PBX3: variants seen among roughly 807,000 people sequenced by gnomAD.
The protein encoded by PBX3 is pre-B-cell leukemia transcription factor 3.
In PBX3, 14 loss-of-function variants were observed where a neutral mutation model predicts 48.5. That is an observed-to-expected ratio of 0.29 (90% confidence interval 0.19 to 0.45). PBX3 has a LOEUF of 0.45. Among genes scored for constraint, PBX3 ranks in the 20% least tolerant of loss-of-function variants. The pLI is 1.00. For missense variants in PBX3, 386 were observed against 546.7 expected (o/e 0.71, Z 2.93); for synonymous variants, 210 against 200.3 (o/e 1.05, Z -0.41).
intron 5 of PBX3, among the ~76,000 whole-genome samples, chr9:125,939,417 C>T (rs765118440): frequency 2.6e-5 from 4 of 152,104 alleles, no homozygotes; most frequent in Non-Finnish European, 5.9e-5. Context: ...TTTTATATTT[C>T]AAACTTATAT....
In PBX3 at chr9:125,790,528, A is replaced by G. The variant is rs1436876240; in HGVS notation, c.274+41905A>G. ...CTCAGCCTCTCAAAGTGCTGGGATTACAGGTATGAGCCACCGTGCCTGGCC... is the reference window on the plus strand; with the variant it reads ...CTCAGCCTCTCAAAGTGCTGGGATTGCAGGTATGAGCCACCGTGCCTGGCC... On this transcript the variant is annotated intron_variant, in intron 2 of 8. Transcript: ENST00000373489. Among the ~76,000 whole-genome samples, 4 of 151,824 alleles carry G rather than the reference A, an allele frequency of 2.6e-5. No individual in the cohort carries two copies. The East Asian group carries it at 5.8e-4, about 22-fold the overall frequency.
intron 2 of PBX3, among the ~76,000 whole-genome samples, chr9:125,882,699 G>GAA (rs1840409866): frequency 1.3e-5 from 2 of 152,228 alleles, no homozygotes; most frequent in Non-Finnish European, 2.9e-5. Flanking sequence ...GATGGTAGAA[G>GAA]TTATATATTG....
intron 2 of PBX3, among the ~76,000 whole-genome samples, chr9:125,817,826 G>T (rs567331262): frequency 3.3e-5 from 5 of 152,102 alleles, no homozygotes; most frequent in Non-Finnish European, 7.4e-5. Context: ...AAAAATTGCG[G>T]TGGAATTCCT....
chr9:125,839,450 C>T (rs944379816), intron 2 of PBX3, among the ~76,000 whole-genome samples: 20 of 152,060 alleles, frequency 1.3e-4, no homozygotes, highest in African/African-American at 4.8e-4. Flanking sequence ...AATGAGGTTC[C>T]AAAGAAAGAG....
At chr9:125,847,129 T>C (rs139567090) in intron 2 of PBX3, among the ~76,000 whole-genome samples, 2,134 of 152,178 alleles carry the variant, frequency 0.014, 24 homozygotes, top group Non-Finnish European at 0.021. Context: ...TATATTCTTA[T>C]ATTAGGTGGC....
At chr9:125,830,404 CTTCTT>C (rs1305079496) in intron 2 of PBX3, among the ~76,000 whole-genome samples, 1 of 151,934 alleles carries the variant, frequency 6.6e-6, no homozygotes, top group Non-Finnish European at 1.5e-5. Context: ...AACAAACAAA[CTTCTT>C]TAATGTTACA....
intron 3 of PBX3, among the ~76,000 whole-genome samples, chr9:125,918,684 T>C (rs569957104): frequency 3.3e-5 from 5 of 152,222 alleles, no homozygotes; most frequent in Non-Finnish European, 7.3e-5. Flanking sequence ...AATTTTAATT[T>C]ACACATTTTC....
intron 2 of PBX3, among the ~76,000 whole-genome samples, chr9:125,839,491 A>G (rs929267189): frequency 2.6e-5 from 4 of 152,232 alleles, no homozygotes; most frequent in Non-Finnish European, 4.4e-5. Flanking sequence ...TATAACAGAA[A>G]TATTTCCAAT....
intron 2 of PBX3, among the ~76,000 whole-genome samples, chr9:125,894,605 G>T (rs3850583): frequency 0.059 from 9,050 of 152,104 alleles, 626 homozygotes; most frequent in East Asian, 0.17. Flanking sequence ...CAATAAGTGG[G>T]TTCAATTCAT....
chr9:125,760,835 A>G (rs185830788), intron 2 of PBX3, among the ~76,000 whole-genome samples: 1 of 152,320 alleles, frequency 6.6e-6, no homozygotes, highest in East Asian at 1.9e-4. Flanking sequence ...TATTTTCTTG[A>G]TTAAGCCACG....
chr9:125,747,610 A>G lies in PBX3; in HGVS notation c.157A>G (p.Ile53Val). ...GGACATCGGCGACATCCTCCACCAG[A>G]TCATGACCATCACCGACCAGAGCTT... ...KQDIGDILHQIMTITDQSLDE... is the reference protein window; with the variant it reads ...KQDIGDILHQVMTITDQSLDE... The change falls in exon 1 of 9, where the codon ATC (isoleucine) becomes GTC (valine). Residue 53 changes from isoleucine to valine, a missense_variant. Ile to Val is a conservative substitution (Grantham distance 29, BLOSUM62 3). Coordinates refer to ENST00000373489, the MANE Select transcript of PBX3 (RefSeq NM_006195.6). The G allele has an allele frequency of 6.2e-7, 1 of 1,603,328 alleles. No individual in the cohort carries two copies. The highest frequency in any genetic ancestry group is 8.5e-7 in the Non-Finnish European group (1 of 1,175,144).
chr9:125,760,962 A>T (rs1836650489), intron 2 of PBX3, among the ~76,000 whole-genome samples: 1 of 152,202 alleles, frequency 6.6e-6, no homozygotes, highest in Non-Finnish European at 1.5e-5. Flanking sequence ...AGTGCCATTT[A>T]TGATATGTTG....
chr9:125,961,282 C>T (rs1042835763), intron 6 of PBX3, among the ~76,000 whole-genome samples: 3 of 152,144 alleles, frequency 2.0e-5, no homozygotes, highest in Non-Finnish European at 4.4e-5. Context: ...TGCCCAGCAC[C>T]GCTGTCCTTT....
At chr9:125,894,049 A>G (rs1264471320) in intron 2 of PBX3, among the ~76,000 whole-genome samples, 1 of 152,204 alleles carries the variant, frequency 6.6e-6, no homozygotes, top group South Asian at 2.1e-4. Context: ...CCATGGCTAC[A>G]TATAGTTGCA....
chr9:125,925,161 G>A (rs559186622), intron 3 of PBX3, among the ~76,000 whole-genome samples: 1 of 152,228 alleles, frequency 6.6e-6, no homozygotes, highest in South Asian at 2.1e-4. Context: ...AGTCAAATGG[G>A]CTTTTATTGT....
chr9:125,928,205 A>G (rs1038322473), intron 3 of PBX3, among the ~76,000 whole-genome samples: 1 of 151,904 alleles, frequency 6.6e-6, no homozygotes, highest in Admixed American at 6.6e-5. Flanking sequence ...AAAAAAAATA[A>G]TAATAATAAA....
intron 6 of PBX3, among the ~76,000 whole-genome samples, chr9:125,961,169 G>T (rs1349347687): frequency 6.6e-6 from 1 of 152,224 alleles, no homozygotes; most frequent in Non-Finnish European, 1.5e-5. Flanking sequence ...CCACTTTAGG[G>T]TCAGTAGTGG....
intron 2 of PBX3, among the ~76,000 whole-genome samples, chr9:125,793,939 C>T (rs1214132929): frequency 2.0e-5 from 3 of 152,262 alleles, no homozygotes; most frequent in African/African-American, 7.2e-5. Flanking sequence ...GATTTAAAAA[C>T]ATACAGAGAG....
chr9:125,751,967 A>G (rs991692729), intron 2 of PBX3, among the ~76,000 whole-genome samples: 26 of 152,194 alleles, frequency 1.7e-4, no homozygotes, highest in African/African-American at 5.8e-4. Context: ...TGAAGGAAAT[A>G]GTTCTTTTTC....
Sources: gnomAD v4.1 joint callset for allele counts (sites outside exome capture counted in the v4.1 genomes callset) on GRCh38, gnomAD v4.1.1 for gene constraint, MANE v1.5 for transcripts, NCBI Gene and HGNC (gene_info 2026-07-23, HGNC 2026-07-21) for gene names.